IL1RAPL1: variants seen among roughly 807,000 people sequenced by gnomAD.
IL1RAPL1 encodes interleukin-1 receptor accessory protein-like 1.
A neutral mutation model predicts 48.4 loss-of-function variants in IL1RAPL1; 3 were observed. That is an observed-to-expected ratio of 0.06 (90% CI 0.03 to 0.16). The LOEUF is 0.16. IL1RAPL1 is among the 10% of genes least tolerant of loss of function. The pLI is 1.00. For missense variants in IL1RAPL1, 349 were observed against 530.6 expected, an observed-to-expected ratio of 0.66 and a Z score of 3.36; for synonymous variants, 185 against 187.7, an observed-to-expected ratio of 0.99 and a Z score of 0.12.
At chrX:29,347,428 A>G (rs1198614503) in intron 3 of IL1RAPL1, among the ~76,000 whole-genome samples, 3 of 99,072 alleles carry the variant, frequency 3.0e-5, no homozygotes, top group Admixed American at 2.3e-4. Flanking sequence ...TCTCTCTATC[A>G]CCCAGGCTGG....
chrX:28,699,320 T>A (rs1935269613), intron 1 of IL1RAPL1, among the ~76,000 whole-genome samples: 1 of 112,266 alleles, frequency 8.9e-6, no homozygotes, highest in Non-Finnish European at 1.9e-5. Flanking sequence ...AGCAGACTGC[T>A]ATGTACAAAG....
intron 5 of IL1RAPL1, among the ~76,000 whole-genome samples, chrX:29,403,346 T>G (rs372611872): frequency 4.7e-4 from 51 of 108,716 alleles, no homozygotes; most frequent in Middle Eastern, 9.4e-3. Context: ...TATATTGGGG[T>G]GTGTGTGTGT....
intron 6 of IL1RAPL1, among the ~76,000 whole-genome samples, chrX:29,676,848 C>T (rs983459432): frequency 1.8e-5 from 2 of 111,595 alleles, no homozygotes; most frequent in Non-Finnish European, 3.8e-5. Context: ...CTGCTTTTCC[C>T]CTGACAAACA....
intron 2 of IL1RAPL1, among the ~76,000 whole-genome samples, chrX:28,831,018 CTCTCTCTCTGTGTGTGTGTGTGTGTGTG>C (rs1206750542): frequency 1.1e-3 from 70 of 65,601 alleles, no homozygotes; most frequent in African/African-American, 3.0e-3. Context: ...CTCTCTCTCT[CTCTCTCTCTGTGTGTGTGTGTGTGTGTG>C]TGTGTGTGTG....
At chrX:29,199,874 T>G in intron 2 of IL1RAPL1, among the ~76,000 whole-genome samples, 1 of 111,994 alleles carries the variant, frequency 8.9e-6, no homozygotes, top group East Asian at 2.8e-4. Flanking sequence ...TGACTGGATT[T>G]AGGAAAAAAT....
At chrX:29,341,452 G>A (rs5943495) in intron 3 of IL1RAPL1, among the ~76,000 whole-genome samples, 37,029 of 111,213 alleles carry the variant, frequency 0.33, 5,462 homozygotes, top group Middle Eastern at 0.46. Context: ...AATAGAATAC[G>A]TCCTTGAGCA....
chrX:29,675,447 CTT>C (rs1926253460), intron 6 of IL1RAPL1, among the ~76,000 whole-genome samples: 1 of 112,256 alleles, frequency 8.9e-6, no homozygotes, highest in Non-Finnish European at 1.9e-5. Context: ...GCAGATTACT[CTT>C]TTGCTGCAGC....
At chrX:29,440,654 T>C (rs1289427135) in intron 5 of IL1RAPL1, among the ~76,000 whole-genome samples, 1 of 112,265 alleles carries the variant, frequency 8.9e-6, no homozygotes, top group Admixed American at 9.4e-5. Flanking sequence ...GAAACACAAT[T>C]ACCAAAACAA....
At position 29,448,132 on chromosome X, in the gene IL1RAPL1, A is replaced by T. The variant is rs190073693; in HGVS notation, c.703+48824A>T. Among the ~76,000 whole-genome samples, 476 of 111,852 alleles carry T rather than the reference A, an allele frequency of 4.3e-3. 3 individuals are homozygous for T. The highest frequency in any genetic ancestry group is 0.015 in the African/African-American group (467 of 30,845). On this transcript the variant is annotated intron_variant, in intron 5 of 10. Coordinates refer to ENST00000378993, the MANE Select transcript of IL1RAPL1 (RefSeq NM_014271.4). ...AGACTGAAAGTTAATCCTGTTGGTC[A>T]TGGGGAACCACTGAGATTTTACCAA...
At chrX:29,129,230 A>G (rs754905981) in intron 2 of IL1RAPL1, among the ~76,000 whole-genome samples, 2 of 109,448 alleles carry the variant, frequency 1.8e-5, no homozygotes, top group Admixed American at 9.8e-5. Context: ...TTTAGTAGAG[A>G]CAGGGTTTCT....
chrX:29,933,672 A>G (rs188576637), intron 8 of IL1RAPL1, among the ~76,000 whole-genome samples: 545 of 109,944 alleles, frequency 5.0e-3, no homozygotes, highest in Middle Eastern at 0.019. Context: ...AAAAAAAAAA[A>G]AGAGAGAGAA....
At chrX:29,784,965 G>A (rs1929459859) in intron 6 of IL1RAPL1, among the ~76,000 whole-genome samples, 1 of 111,905 alleles carries the variant, frequency 8.9e-6, no homozygotes. Context: ...CGTTGCAGTA[G>A]TCAGACTGTC....
chrX:29,028,068 G>A (rs1926526905), intron 2 of IL1RAPL1, among the ~76,000 whole-genome samples: 1 of 109,955 alleles, frequency 9.1e-6, no homozygotes, highest in South Asian at 3.9e-4. Context: ...TAATTAACAT[G>A]TGAATTACCT....
chrX:29,203,548 C>T (rs1338168511), intron 2 of IL1RAPL1, among the ~76,000 whole-genome samples: 3 of 108,410 alleles, frequency 2.8e-5, no homozygotes, highest in African/African-American at 6.8e-5. Context: ...TGGAGAAACC[C>T]CGTCTCTACT....
intron 6 of IL1RAPL1, among the ~76,000 whole-genome samples, chrX:29,856,041 A>G (rs1931471100): frequency 1.8e-5 from 2 of 112,027 alleles, no homozygotes; most frequent in South Asian, 3.7e-4. Flanking sequence ...AAAAGTGCGT[A>G]TACCTACATG....
At chrX:28,973,948 A>G (rs1925144791) in intron 2 of IL1RAPL1, among the ~76,000 whole-genome samples, 1 of 112,479 alleles carries the variant, frequency 8.9e-6, no homozygotes, top group Non-Finnish European at 1.9e-5. Context: ...CTAGCCTAGG[A>G]CTCAATTAGA....
intron 5 of IL1RAPL1, among the ~76,000 whole-genome samples, chrX:29,406,250 G>A (rs1037333343): frequency 7.5e-4 from 83 of 110,428 alleles, no homozygotes; most frequent in African/African-American, 1.9e-3. Context: ...TTAGCCGGGC[G>A]TGGTGGTGGG....
intron 1 of IL1RAPL1, among the ~76,000 whole-genome samples, chrX:28,671,718 AT>A (rs1934948220): frequency 8.9e-6 from 1 of 112,265 alleles, no homozygotes; most frequent in African/African-American, 3.2e-5. Context: ...GCATATGGGC[AT>A]TTTTCAGTAG....
chrX:29,699,231 G>A (rs1263495640), intron 6 of IL1RAPL1, among the ~76,000 whole-genome samples: 1 of 112,118 alleles, frequency 8.9e-6, no homozygotes, highest in Non-Finnish European at 1.9e-5. Flanking sequence ...TTTTAATTTT[G>A]TTTTAATGAT....
Sources: gnomAD v4.1 joint callset for allele counts (sites outside exome capture counted in the v4.1 genomes callset) on GRCh38, gnomAD v4.1.1 for gene constraint, MANE v1.5 for transcripts, NCBI Gene and HGNC (gene_info 2026-07-23, HGNC 2026-07-21) for gene names.